Variants in LITAF observed in about 807,000 individuals in gnomAD.
The protein encoded by LITAF is lipopolysaccharide induced TNF factor.
Under a neutral mutation model 14.5 loss-of-function variants are expected in LITAF, and 9 were observed. That is an observed-to-expected ratio of 0.62 (90% confidence interval 0.37 to 1.08). LITAF has a LOEUF of 1.08. Ranked by LOEUF, LITAF falls within the 50% of genes least tolerant of loss-of-function variation. The probability of loss-of-function intolerance (pLI) is 0.01; values close to 1 mark genes in which losing one functional copy is unlikely to be tolerated. For synonymous variants in LITAF, 98 were observed against 88.2 expected, an observed-to-expected ratio of 1.11 and a Z score of -0.62; for missense variants, 206 against 213.4, an observed-to-expected ratio of 0.97 and a Z score of 0.22.
chr16:11,573,294 C>T (rs936039943), intron 1 of LITAF, among the ~76,000 whole-genome samples: 1 of 152,086 alleles, frequency 6.6e-6, no homozygotes, highest in Non-Finnish European at 1.5e-5. Flanking sequence ...TGTCACCCAT[C>T]CACCAGGCAA....
chr16:11,620,263 G>A (rs531316878), intron 3 of LITAF, among the ~76,000 whole-genome samples: 35 of 152,206 alleles, frequency 2.3e-4, no homozygotes, highest in African/African-American at 3.4e-4. Flanking sequence ...TCATGGAAGC[G>A]GATCCCCCAT....
At chr16:11,568,468 A>G (rs1409819492) in intron 1 of LITAF, among the ~76,000 whole-genome samples, 1 of 152,038 alleles carries the variant, frequency 6.6e-6, no homozygotes, top group Non-Finnish European at 1.5e-5. Flanking sequence ...CAATGGGGAC[A>G]AGGTGTCATC....
At chr16:11,602,669 CA>C (rs762970764), upstream of LITAF, among the ~76,000 whole-genome samples, 11 of 147,514 alleles carry the variant, frequency 7.5e-5, no homozygotes, top group Non-Finnish European at 1.6e-4. Context: ...CTCCATGCCA[CA>C]AGTATGGTTG....
intron 3 of LITAF, among the ~76,000 whole-genome samples, chr16:11,618,390 C>T (rs1442910646): frequency 6.6e-6 from 1 of 152,118 alleles, no homozygotes; most frequent in Non-Finnish European, 1.5e-5. Context: ...CCTGGGGACG[C>T]CATTTGCACT....
intron 1 of LITAF, among the ~76,000 whole-genome samples, chr16:11,577,675 A>G (rs2064662887): frequency 6.6e-6 from 1 of 151,866 alleles, no homozygotes; most frequent in Non-Finnish European, 1.5e-5. Context: ...CAAATTCCAA[A>G]TAGTATGAGT....
At chr16:11,592,316 C>T (rs2064851893) in intron 1 of LITAF, among the ~76,000 whole-genome samples, 2 of 152,196 alleles carry the variant, frequency 1.3e-5, no homozygotes, top group Non-Finnish European at 2.9e-5. Context: ...TGGCTCACGC[C>T]TATACTCCCA....
chr16:11,633,011 G>A (rs1597378371), intron 3 of LITAF, among the ~76,000 whole-genome samples: 1 of 152,184 alleles, frequency 6.6e-6, no homozygotes, highest in Non-Finnish European at 1.5e-5. Context: ...CTGCACCCAT[G>A]ATACCCTCTT....
At chr16:11,620,251 G>A (rs2065041911) in intron 3 of LITAF, among the ~76,000 whole-genome samples, 1 of 152,126 alleles carries the variant, frequency 6.6e-6, no homozygotes, top group Non-Finnish European at 1.5e-5. Flanking sequence ...GAGGTGTTTG[G>A]ATCATGGAAG....
At chr16:11,576,552 AAAAG>A (rs1479980097) in intron 1 of LITAF, among the ~76,000 whole-genome samples, 3 of 77,524 alleles carry the variant, frequency 3.9e-5, no homozygotes, top group African/African-American at 9.5e-5. Context: ...AAAAAAAAAA[AAAAG>A]AGAGAGAGAA....
At chr16:11,551,082 G>C (rs1400666610) in intron 3 of LITAF, among the ~76,000 whole-genome samples, 3 of 152,154 alleles carry the variant, frequency 2.0e-5, no homozygotes, top group Non-Finnish European at 4.4e-5. Context: ...AGGAACCTCA[G>C]ACCGCCTGAC....
At chr16:11,614,839 G>A (rs576432088) in intron 3 of LITAF, among the ~76,000 whole-genome samples, 13 of 152,188 alleles carry the variant, frequency 8.5e-5, no homozygotes, top group Non-Finnish European at 1.8e-4. Flanking sequence ...AACTTGCCCA[G>A]TGGCATGCAT....
At chr16:11,618,276 C>A (rs1450128733) in intron 3 of LITAF, among the ~76,000 whole-genome samples, 1 of 152,224 alleles carries the variant, frequency 6.6e-6, no homozygotes, top group Admixed American at 6.5e-5. Flanking sequence ...TGCCACTGTG[C>A]TGGTCTAGAT....
At chr16:11,598,287 CTT>C (rs35125387) in intron 1 of LITAF, 26 of 139,710 alleles carry the variant, frequency 1.9e-4, no homozygotes, top group Non-Finnish European at 2.9e-4. Flanking sequence ...GGGCCTGAGC[CTT>C]TTTTTTTTTT....
intron 3 of LITAF, among the ~76,000 whole-genome samples, chr16:11,618,234 A>G (rs917725705): frequency 6.6e-6 from 1 of 152,218 alleles, no homozygotes; most frequent in East Asian, 1.9e-4. Context: ...TTTATGCCCA[A>G]ACTTTTCCCC....
upstream of LITAF, among the ~76,000 whole-genome samples, chr16:11,590,836 G>A (rs111480015): frequency 1.7e-5 from 2 of 117,638 alleles, 1 homozygote; most frequent in African/African-American, 8.1e-5. Context: ...GGTTTCAAGC[G>A]ATTCTCCTGC....
chr16:11,596,820 G>T (rs1159399937), intron 1 of LITAF, among the ~76,000 whole-genome samples: 24 of 142,776 alleles, frequency 1.7e-4, no homozygotes, highest in African/African-American at 5.8e-4. Context: ...AAAGAAGAGG[G>T]GGAGGAGGAG....
chr16:11,561,266 G>T (rs1427030079), intron 1 of LITAF: 1 of 152,234 alleles, frequency 6.6e-6, no homozygotes, highest in Non-Finnish European at 1.5e-5. Context: ...AGAGGCAATG[G>T]CTGAATTCGG....
At chr16:11,625,332 G>A (rs376596742) in intron 3 of LITAF, among the ~76,000 whole-genome samples, 2 of 150,232 alleles carry the variant, frequency 1.3e-5, no homozygotes, top group East Asian at 2.0e-4. Flanking sequence ...GTGCGATCTC[G>A]GCTCACTGCA....
chr16:11,567,194 C>T lies in LITAF; in HGVS notation c.-5-10459G>A, dbSNP rs376353885. Among the ~76,000 whole-genome samples the T allele has an allele frequency of 4.5e-4, 68 of 151,876 alleles. No individual in the cohort carries two copies. The East Asian group carries it at 0.011, about 25-fold the overall frequency. The stretch of plus-strand genomic sequence containing the variant: ...CAGCACTTTGGGAGGCCGAGGCAGG[C>T]GGATTACCTGAGGTCAGGAGTTTGA... On this transcript the variant is annotated intron_variant, in intron 1 of 3. Transcript: ENST00000622633.
Sources: allele counts gnomAD v4.1 joint callset (sites outside exome capture counted in the v4.1 genomes callset), GRCh38; gene constraint gnomAD v4.1.1; transcripts MANE v1.5; gene names NCBI Gene and HGNC (gene_info 2026-07-23, HGNC 2026-07-21).